PTPRZ1: variants seen among roughly 807,000 people sequenced by gnomAD.
PTPRZ1 encodes the protein protein tyrosine phosphatase receptor type Z1, also known as receptor-type tyrosine-protein phosphatase zeta.
PTPRZ1 carries 82 observed loss-of-function variants against 214.1 expected under a neutral mutation model. That is an observed-to-expected ratio of 0.38 (90% confidence interval 0.32 to 0.46). The LOEUF is 0.46. Ranked by LOEUF, PTPRZ1 falls within the 20% of genes least tolerant of loss-of-function variation. The pLI is 1.00. For missense variants in PTPRZ1, 2,603 were observed against 2,748.7 expected (o/e 0.95, Z 1.19); for synonymous variants, 945 against 987.9 (o/e 0.96, Z 0.81).
intron 1 of PTPRZ1, 46 bp downstream of exon 1, chr7:121,873,603 G>A: frequency 6.2e-7 from 1 of 1,604,274 alleles, no homozygotes; most frequent in Non-Finnish European, 8.5e-7. Context: ...GGATCGGTGG[G>A]ATGAGGGTGG....
chr7:121,969,561 C>CA (rs5887062), intron 3 of PTPRZ1, among the ~76,000 whole-genome samples: 37 of 122,888 alleles, frequency 3.0e-4, no homozygotes, highest in African/African-American at 7.2e-4. Flanking sequence ...AACTCTGTCT[C>CA]AAAAAAAAAA....
chr7:121,927,694 C>A (rs1795804429), intron 1 of PTPRZ1, among the ~76,000 whole-genome samples: 2 of 152,300 alleles, frequency 1.3e-5, no homozygotes, highest in Middle Eastern at 6.8e-3. Context: ...AGGAAGGAAG[C>A]AAATTTTGAA....
At chr7:121,934,487 C>CAAAAAAA (rs529475632) in intron 2 of PTPRZ1, among the ~76,000 whole-genome samples, 1 of 77,064 alleles carries the variant, frequency 1.3e-5, no homozygotes, top group Non-Finnish European at 2.5e-5. Flanking sequence ...GACTCCGTCT[C>CAAAAAAA]AAAAAAAAAA....
intron 2 of PTPRZ1, among the ~76,000 whole-genome samples, chr7:121,928,992 C>A (rs1795846302): frequency 6.6e-6 from 1 of 152,136 alleles, no homozygotes; most frequent in Admixed American, 6.6e-5. Context: ...AGTCAGATTA[C>A]AAGGGCTTTA....
intron 12 of PTPRZ1, among the ~76,000 whole-genome samples, chr7:122,017,148 AC>A (rs1166746284): frequency 3.3e-5 from 5 of 152,314 alleles, no homozygotes; most frequent in African/African-American, 1.2e-4. Context: ...TGACACACTT[AC>A]TTTCCATCTA....
chr7:121,934,433 AG>A (rs1173560677), intron 2 of PTPRZ1, among the ~76,000 whole-genome samples: 1 of 136,322 alleles, frequency 7.3e-6, no homozygotes, highest in Non-Finnish European at 1.5e-5. Context: ...GCTTGCAGTG[AG>A]CCGAGATCGC....
chr7:121,956,870 T>C (rs1796721901), intron 2 of PTPRZ1, among the ~76,000 whole-genome samples: 1 of 152,182 alleles, frequency 6.6e-6, no homozygotes, highest in Non-Finnish European at 1.5e-5. Flanking sequence ...GTTTCACACA[T>C]CAATCCAGAT....
chr7:121,961,007 A>G lies in PTPRZ1; in HGVS notation c.125-6944A>G, dbSNP rs572169581. 9.2e-5 allele frequency among the ~76,000 whole-genome samples: 14 copies of G among 152,258 alleles called. No homozygotes were observed. The South Asian group carries it at 2.9e-3, about 32-fold the overall frequency. On this transcript the variant is annotated intron_variant, in intron 2 of 29. Transcript: ENST00000393386. Reference sequence around the variant, plus strand: ...TTAAGTGCCAGGCTCTAAGAAAGGTACTGAAACATTTTCTTCCATTAAAGA... The same window carrying G: ...TTAAGTGCCAGGCTCTAAGAAAGGTGCTGAAACATTTTCTTCCATTAAAGA...
intron 1 of PTPRZ1, among the ~76,000 whole-genome samples, chr7:121,895,833 G>A (rs991638876): frequency 6.6e-6 from 1 of 152,178 alleles, no homozygotes; most frequent in African/African-American, 2.4e-5. Context: ...ATAAAAGTTT[G>A]GCTTAGCATC....
At chr7:121,916,814 G>A (rs1017752516) in intron 1 of PTPRZ1, among the ~76,000 whole-genome samples, 2 of 152,198 alleles carry the variant, frequency 1.3e-5, no homozygotes, top group Admixed American at 6.5e-5. Context: ...TTGAAGATAA[G>A]CATGTTGTGA....
chr7:122,020,624 T>C (rs1217845903), intron 13 of PTPRZ1, among the ~76,000 whole-genome samples: 1 of 152,194 alleles, frequency 6.6e-6, no homozygotes, highest in Non-Finnish European at 1.5e-5. Context: ...TGGACATTGG[T>C]TGGCTAGGGT....
intron 1 of PTPRZ1, among the ~76,000 whole-genome samples, chr7:121,913,111 TACTC>T (rs1301014410): frequency 2.6e-5 from 4 of 152,152 alleles, no homozygotes; most frequent in South Asian, 2.1e-4. Context: ...AAAAAATTAT[TACTC>T]AATTATAATT....
chr7:121,970,032 A>C lies in PTPRZ1; in HGVS notation c.304+1902A>C, dbSNP rs373509615. 6.4e-5 allele frequency among the ~76,000 whole-genome samples: 9 copies of C among 139,966 alleles called. No individual in the cohort carries two copies. In the East Asian group the frequency reaches 1.5e-3, roughly 24 times the overall value. 91.8% of individuals were successfully genotyped at this position (139,966 alleles called of 152,430 possible). A position where few individuals can be genotyped will look rare whatever the true frequency, so the allele number is the denominator to read the frequency against. On this transcript the variant is annotated intron_variant, in intron 3 of 29. Transcript: ENST00000393386. ...TGTTCTCATTGTTCAAATCCCACCT[A>C]TGAGTGAGAACATGCGGTGTTTGGT... is the stretch of plus-strand genomic sequence containing the variant.
intron 2 of PTPRZ1, among the ~76,000 whole-genome samples, chr7:121,935,843 C>T (rs1236499366): frequency 3.3e-5 from 5 of 152,172 alleles, no homozygotes; most frequent in African/African-American, 1.2e-4. Context: ...GCTGGGATTA[C>T]AGGTATGAGC....
At chr7:122,020,957 A>AT (rs1013933552) in intron 13 of PTPRZ1, among the ~76,000 whole-genome samples, 65 of 152,204 alleles carry the variant, frequency 4.3e-4, no homozygotes, top group African/African-American at 1.5e-3. Context: ...TGTTGACCAA[A>AT]TTTTTTACCA....
At chr7:121,891,742 T>C (rs1177601641) in intron 1 of PTPRZ1, among the ~76,000 whole-genome samples, 1 of 152,060 alleles carries the variant, frequency 6.6e-6, no homozygotes, top group African/African-American at 2.4e-5. Context: ...TACTCTCCAG[T>C]TTTTGCTTTC....
intron 2 of PTPRZ1, among the ~76,000 whole-genome samples, chr7:121,930,586 A>T (rs928647397): frequency 1.3e-5 from 2 of 152,094 alleles, no homozygotes; most frequent in East Asian, 3.8e-4. Flanking sequence ...TTTCACTAAC[A>T]CTGACTCTAA....
intron 1 of PTPRZ1, among the ~76,000 whole-genome samples, chr7:121,909,176 A>G (rs552971335): frequency 1.3e-5 from 2 of 152,316 alleles, no homozygotes; most frequent in South Asian, 4.1e-4. Flanking sequence ...GAACAAGACA[A>G]TCTAAAAACT....
In PTPRZ1 at chr7:121,996,365, C is replaced by G; in HGVS notation, c.929-17C>G. ...AGGCTAAGTTCTATCAACAACTGTACTTTTTTCTCTCTGAAGTTTGTAGTT... is the reference window on the plus strand; with the variant it reads ...AGGCTAAGTTCTATCAACAACTGTAGTTTTTTCTCTCTGAAGTTTGTAGTT... On this transcript the variant is annotated splice_polypyrimidine_tract_variant and intron_variant, in intron 8 of 29. Transcript: ENST00000393386. 6.4e-7 allele frequency: 1 copy of G among 1,566,672 alleles called. No homozygotes were observed. The highest frequency in any genetic ancestry group is 1.4e-5 in the African/African-American group (1 of 73,554).
Sources: allele counts gnomAD v4.1 joint callset (sites outside exome capture counted in the v4.1 genomes callset), GRCh38; gene constraint gnomAD v4.1.1; transcripts MANE v1.5; gene names NCBI Gene and HGNC (gene_info 2026-07-23, HGNC 2026-07-21).